ADAMTS3: variants seen among roughly 807,000 people sequenced by gnomAD.
ADAMTS3 encodes the protein ADAM metallopeptidase with thrombospondin type 1 motif 3.
A neutral mutation model predicts 129.0 loss-of-function variants in ADAMTS3; 73 were observed. That is an observed-to-expected ratio of 0.57 (90% CI 0.47 to 0.69). The LOEUF is 0.69. Among genes scored for constraint, ADAMTS3 ranks in the 30% least tolerant of loss-of-function variants. The pLI is 0.00. For missense variants in ADAMTS3, 1,457 were observed against 1,514.5 expected, an observed-to-expected ratio of 0.96 and a Z score of 0.63; for synonymous variants, 477 against 510.8, an observed-to-expected ratio of 0.93 and a Z score of 0.89.
chr4:72,303,260 C>T (rs576412554), intron 17 of ADAMTS3, among the ~76,000 whole-genome samples: 120 of 152,160 alleles, frequency 7.9e-4, no homozygotes, highest in African/African-American at 2.6e-3. Flanking sequence ...CACTTGCAAA[C>T]CAGCTGAGGC....
At chr4:72,416,172 A>AATATAAATATACATATATGT (rs1553913383) in intron 3 of ADAMTS3, among the ~76,000 whole-genome samples, 1 of 146,084 alleles carries the variant, frequency 6.8e-6, no homozygotes, top group Non-Finnish European at 1.5e-5. Flanking sequence ...AGCAAATATA[A>AATATAAATATACATATATGT]ATATAAATAT....
intron 13 of ADAMTS3, 103 bp from the exon 14 acceptor site, chr4:72,311,284 G>C (rs1719228106): frequency 9.8e-7 from 1 of 1,019,246 alleles, no homozygotes; most frequent in African/African-American, 1.6e-5. Context: ...GTGATTTCCT[G>C]AAAACAAAAG....
chr4:72,379,946 A>T (rs1721240391), intron 4 of ADAMTS3, among the ~76,000 whole-genome samples: 1 of 152,122 alleles, frequency 6.6e-6, no homozygotes, highest in African/African-American at 2.4e-5. Flanking sequence ...CTCTTGCTCT[A>T]GTGAATGTCT....
chr4:72,468,492 A>G (rs1292854447), intron 3 of ADAMTS3, among the ~76,000 whole-genome samples: 1 of 152,120 alleles, frequency 6.6e-6, no homozygotes, highest in Non-Finnish European at 1.5e-5. Context: ...AATTACCCAC[A>G]TGGTAATTAC....
intron 4 of ADAMTS3, among the ~76,000 whole-genome samples, chr4:72,341,599 T>C (rs1353613838): frequency 6.6e-6 from 1 of 152,208 alleles, no homozygotes; most frequent in East Asian, 1.9e-4. Context: ...AAATGGCTCC[T>C]GTTGGCAGAA....
chr4:72,326,244 A>G (rs77193818), intron 5 of ADAMTS3, among the ~76,000 whole-genome samples: 9,498 of 152,140 alleles, frequency 0.062, 841 homozygotes, highest in East Asian at 0.26. Flanking sequence ...TATTATTTCA[A>G]TGTGGCAAAT....
intron 19 of ADAMTS3, among the ~76,000 whole-genome samples, chr4:72,292,051 A>G (rs1718685913): frequency 6.6e-6 from 1 of 152,244 alleles, no homozygotes; most frequent in South Asian, 2.1e-4. Context: ...TTTCAAGGAT[A>G]GCACCAACTC....
At chr4:72,283,732 A>G in intron 21 of ADAMTS3, 28 bp from the exon 22 acceptor site, 1 of 1,507,834 alleles carries the variant, frequency 6.6e-7, no homozygotes, top group Non-Finnish European at 8.9e-7. Flanking sequence ...AAATAAACTA[A>G]CACTAGCATC....
At position 72,282,040 on chromosome 4, in the gene ADAMTS3, C is replaced by A. The variant is rs1254002661; in HGVS notation, c.*1096G>T. ...AACCATCGACATATGCTTTCTTGAACCTGCCTTCAAAGCCCCAAAGCTCTA... is the reference window on the plus strand; with the variant it reads ...AACCATCGACATATGCTTTCTTGAAACTGCCTTCAAAGCCCCAAAGCTCTA... On this transcript the variant is annotated 3_prime_UTR_variant, in exon 22 of 22. Transcript: ENST00000286657. The A allele has an allele frequency of 6.6e-6, 1 of 152,094 alleles. No homozygotes were observed. Among genetic ancestry groups the A allele is most frequent in the Non-Finnish European group, 1.5e-5 (1 of 68,014 alleles). 9.4% of individuals were successfully genotyped at this position (152,094 alleles called of 1,614,324 possible). A position where few individuals can be genotyped will look rare whatever the true frequency, so the allele number is the denominator to read the frequency against.
chr4:72,504,003 T>A (rs190743275), intron 3 of ADAMTS3, among the ~76,000 whole-genome samples: 13 of 152,318 alleles, frequency 8.5e-5, no homozygotes, highest in African/African-American at 3.1e-4. Flanking sequence ...ATGTGTGAGA[T>A]AGGTCTCTTG....
At chr4:72,553,780 G>T (rs1332499262) in intron 2 of ADAMTS3, among the ~76,000 whole-genome samples, 3 of 152,242 alleles carry the variant, frequency 2.0e-5, no homozygotes, top group African/African-American at 7.2e-5. Context: ...GCTCTGGATT[G>T]GGGAGGCCTG....
At chr4:72,386,916 T>C (rs1323073324) in intron 4 of ADAMTS3, among the ~76,000 whole-genome samples, 1 of 152,222 alleles carries the variant, frequency 6.6e-6, no homozygotes, top group Non-Finnish European at 1.5e-5. Flanking sequence ...CTGACCTTCC[T>C]ATTTTAAAAA....
At chr4:72,447,592 T>C (rs563420854) in intron 3 of ADAMTS3, among the ~76,000 whole-genome samples, 112 of 151,918 alleles carry the variant, frequency 7.4e-4, no homozygotes, top group African/African-American at 2.6e-3. Context: ...GATTTTCTTG[T>C]ATTCAAAAAC....
chr4:72,552,996 C>T (rs1721681175), intron 2 of ADAMTS3, among the ~76,000 whole-genome samples: 1 of 152,170 alleles, frequency 6.6e-6, no homozygotes, highest in African/African-American at 2.4e-5. Context: ...CATTTCCCCA[C>T]TGCCTAAAAA....
chr4:72,295,822 C>T, intron 18 of ADAMTS3, 36 bp from the exon 19 acceptor site: 2 of 1,594,190 alleles, frequency 1.3e-6, no homozygotes, highest in Non-Finnish European at 1.7e-6. Context: ...GATTTAATCA[C>T]TTCTTCATGC....
At chr4:72,398,715 A>C (rs1401558314) in intron 4 of ADAMTS3, among the ~76,000 whole-genome samples, 1 of 152,250 alleles carries the variant, frequency 6.6e-6, no homozygotes, top group Non-Finnish European at 1.5e-5. Context: ...GAAAGTTCAT[A>C]AGATGAAAAC....
At chr4:72,454,986 T>C (rs1434274041) in intron 3 of ADAMTS3, among the ~76,000 whole-genome samples, 1 of 151,700 alleles carries the variant, frequency 6.6e-6, no homozygotes, top group Non-Finnish European at 1.5e-5. Context: ...ATGAGAAATG[T>C]ATGAGACTGA....
intron 15 of ADAMTS3, among the ~76,000 whole-genome samples, chr4:72,308,443 A>G (rs1719144956): frequency 6.6e-6 from 1 of 151,984 alleles, no homozygotes; most frequent in East Asian, 1.9e-4. Flanking sequence ...AGTTACCCCA[A>G]TGACAATTTA....
chr4:72,491,465 A>G (rs558732333), intron 3 of ADAMTS3, among the ~76,000 whole-genome samples: 1 of 151,954 alleles, frequency 6.6e-6, no homozygotes, highest in East Asian at 1.9e-4. Context: ...ATGTTGAAGT[A>G]AGATCCTTCT....
Sources: gnomAD v4.1 joint callset for allele counts (sites outside exome capture counted in the v4.1 genomes callset) on GRCh38, gnomAD v4.1.1 for gene constraint, MANE v1.5 for transcripts, NCBI Gene and HGNC (gene_info 2026-07-23, HGNC 2026-07-21) for gene names.